Variants in CTNND2 observed in about 807,000 individuals in gnomAD.
The protein encoded by CTNND2 is catenin delta 2.
Under a neutral mutation model 144.4 loss-of-function variants are expected in CTNND2, and 22 were observed. The observed-to-expected ratio is 0.15, with a 90% CI of 0.11 to 0.22. CTNND2 has a LOEUF of 0.22. Ranked by LOEUF, CTNND2 falls within the 10% of genes least tolerant of loss-of-function variation. The probability of loss-of-function intolerance (pLI) is 1.00; values close to 1 mark genes in which losing one functional copy is unlikely to be tolerated. For synonymous variants in CTNND2, 751 were observed against 695.6 expected (o/e 1.08, Z -1.25); for missense variants, 1,353 against 1,618.8 (o/e 0.84, Z 2.82).
At chr5:11,563,848 G>T (rs1416935953) in intron 3 of CTNND2, among the ~76,000 whole-genome samples, 1 of 152,114 alleles carries the variant, frequency 6.6e-6, no homozygotes, top group Non-Finnish European at 1.5e-5. Flanking sequence ...AAGTATTTTG[G>T]AACAATGAAT....
chr5:11,815,890 G>C (rs1361724060), intron 1 of CTNND2, among the ~76,000 whole-genome samples: 2 of 152,166 alleles, frequency 1.3e-5, no homozygotes, highest in Non-Finnish European at 2.9e-5. Flanking sequence ...TGGGAGCAGA[G>C]AAAAGGCTCC....
At chr5:11,133,140 T>C (rs1452688202) in intron 12 of CTNND2, among the ~76,000 whole-genome samples, 2 of 152,064 alleles carry the variant, frequency 1.3e-5, no homozygotes, top group Non-Finnish European at 2.9e-5. Flanking sequence ...TAATGGGAGA[T>C]GGGGATAAGA....
intron 3 of CTNND2, among the ~76,000 whole-genome samples, chr5:11,438,672 G>T (rs1293905510): frequency 6.6e-6 from 1 of 152,206 alleles, no homozygotes; most frequent in Admixed American, 6.5e-5. Context: ...TTTGGATGTG[G>T]ACAAGATTAA....
chr5:11,760,948 C>T (rs992327883), intron 1 of CTNND2, among the ~76,000 whole-genome samples: 9 of 151,992 alleles, frequency 5.9e-5, no homozygotes, highest in African/African-American at 2.2e-4. Flanking sequence ...ACCTATTCTG[C>T]CTGTTATGTG....
intron 10 of CTNND2, among the ~76,000 whole-genome samples, chr5:11,220,493 A>G (rs1339294878): frequency 6.6e-6 from 1 of 152,114 alleles, no homozygotes; most frequent in Non-Finnish European, 1.5e-5. Context: ...CCTCCTAACA[A>G]TGGCACTGTC....
Position 11,039,273 on chromosome 5 carries a change from A to T in CTNND2, c.2789-16294T>A, listed in dbSNP as rs1482533941. Among the ~76,000 whole-genome samples the T allele has an allele frequency of 6.6e-5, 10 of 152,342 alleles. No homozygotes were observed. In the East Asian group the frequency reaches 1.9e-3, roughly 29 times the overall value. Reference sequence around the variant, plus strand: ...ACTGCTGTTTGCCCAGCATGACCTGACTAAATGTAACCTTACAAACCAAGG... The same window carrying T: ...ACTGCTGTTTGCCCAGCATGACCTGTCTAAATGTAACCTTACAAACCAAGG... On this transcript the variant is annotated intron_variant, in intron 16 of 21. Coordinates refer to ENST00000304623, the MANE Select transcript of CTNND2 (RefSeq NM_001332.4).
intron 3 of CTNND2, among the ~76,000 whole-genome samples, chr5:11,509,286 G>T (rs754584266): frequency 1.3e-5 from 2 of 152,116 alleles, no homozygotes; most frequent in Non-Finnish European, 2.9e-5. Flanking sequence ...GTAAATACAG[G>T]CATTTAGACT....
At chr5:11,829,291 T>A (rs1202456444) in intron 1 of CTNND2, among the ~76,000 whole-genome samples, 1 of 152,162 alleles carries the variant, frequency 6.6e-6, no homozygotes, top group East Asian at 1.9e-4. Flanking sequence ...CAAATGTTAA[T>A]CACCAAGACA....
At chr5:11,561,559 G>A (rs1446939602) in intron 3 of CTNND2, among the ~76,000 whole-genome samples, 2 of 152,170 alleles carry the variant, frequency 1.3e-5, no homozygotes, top group African/African-American at 4.8e-5. Context: ...CCATTTGCAG[G>A]GAGTTATAAC....
At chr5:11,424,732 T>C (rs1020399904) in intron 3 of CTNND2, among the ~76,000 whole-genome samples, 1 of 152,210 alleles carries the variant, frequency 6.6e-6, no homozygotes, top group African/African-American at 2.4e-5. Context: ...ACTGGTTCTT[T>C]ATGTGGAATT....
Position 11,346,642 on chromosome 5 carries a change from T to C in CTNND2, c.1373-15A>G, listed in dbSNP as rs754077792. On this transcript the variant is annotated splice_polypyrimidine_tract_variant and intron_variant, in intron 8 of 21. Transcript: ENST00000304623. The stretch of plus-strand genomic sequence containing the variant: ...GGAAGATGGGGCTACGACAGGAAAG[T>C]AGGGACAAAGTAAAAAATTGAGGAC... 13 of 1,443,804 alleles carry C rather than the reference T, an allele frequency of 9.0e-6. No homozygotes were observed. Among genetic ancestry groups the C allele is most frequent in the Middle Eastern group, 1.9e-4 (1 of 5,380 alleles). The allele number at this position is 1,443,804 out of a possible 1,614,324, so 89.4% of individuals were successfully genotyped here.
intron 3 of CTNND2, among the ~76,000 whole-genome samples, chr5:11,550,283 A>G (rs1775643641): frequency 6.6e-6 from 1 of 152,220 alleles, no homozygotes; most frequent in African/African-American, 2.4e-5. Flanking sequence ...TGTCTTCACC[A>G]CCACCCTGGC....
intron 10 of CTNND2, among the ~76,000 whole-genome samples, chr5:11,230,613 T>C (rs153605): frequency 0.81 from 123,248 of 151,904 alleles, 50,206 homozygotes; most frequent in East Asian, 0.88. Flanking sequence ...ATCTCAGATA[T>C]TCATTCACCC....
chr5:11,439,727 C>T (rs1011778574), intron 3 of CTNND2, among the ~76,000 whole-genome samples: 14 of 150,304 alleles, frequency 9.3e-5, no homozygotes, highest in Admixed American at 1.3e-4. Flanking sequence ...GCTAGCTGCC[C>T]TCTCTGCTAG....
intron 9 of CTNND2, among the ~76,000 whole-genome samples, 161 bp from the exon 10 acceptor site, chr5:11,236,984 G>A (rs1475753940): frequency 6.6e-6 from 1 of 151,736 alleles, no homozygotes; most frequent in Non-Finnish European, 1.5e-5. Context: ...AAGGGGATTT[G>A]GAAGAGATTC....
intron 16 of CTNND2, among the ~76,000 whole-genome samples, chr5:11,035,202 C>A (rs1743939095): frequency 6.6e-6 from 1 of 152,090 alleles, no homozygotes; most frequent in South Asian, 2.1e-4. Context: ...TTTCACAGTT[C>A]TGCAGGTTAG....
At chr5:11,023,486 A>C (rs1676296346) in intron 16 of CTNND2, among the ~76,000 whole-genome samples, 1 of 152,214 alleles carries the variant, frequency 6.6e-6, no homozygotes, top group African/African-American at 2.4e-5. Flanking sequence ...AAAAACAGTC[A>C]AAGCAAAAAT....
At chr5:11,607,437 A>T (rs1318877927) in intron 2 of CTNND2, among the ~76,000 whole-genome samples, 1 of 152,198 alleles carries the variant, frequency 6.6e-6, no homozygotes, top group Non-Finnish European at 1.5e-5. Flanking sequence ...GCAAGAAAAA[A>T]ATAATTTTAT....
At chr5:11,487,183 C>A (rs1768915092) in intron 3 of CTNND2, among the ~76,000 whole-genome samples, 1 of 145,844 alleles carries the variant, frequency 6.9e-6, no homozygotes, top group Admixed American at 6.9e-5. Context: ...TCAACTACGG[C>A]AAAACTTTTA....
Sources: gnomAD v4.1 joint callset for allele counts (sites outside exome capture counted in the v4.1 genomes callset) on GRCh38, gnomAD v4.1.1 for gene constraint, MANE v1.5 for transcripts, NCBI Gene and HGNC (gene_info 2026-07-23, HGNC 2026-07-21) for gene names.